Variants in TRAK1 observed in about 807,000 individuals in gnomAD.
The protein encoded by TRAK1 is trafficking kinesin-binding protein 1.
Under a neutral mutation model 92.1 loss-of-function variants are expected in TRAK1, and 33 were observed. The ratio of observed to expected loss-of-function variants is 0.36; its 90% confidence interval spans 0.27 to 0.48. The LOEUF (loss-of-function observed/expected upper bound fraction) is 0.48, where lower values mean the gene tolerates loss of function less well. Ranked by LOEUF, TRAK1 falls within the 20% of genes least tolerant of loss-of-function variation. TRAK1 has a pLI of 0.99. For synonymous variants in TRAK1, 521 were observed against 517.3 expected (o/e 1.01, Z -0.10); for missense variants, 1,123 against 1,257.9 (o/e 0.89, Z 1.62).
At chr3:42,095,481 A>G (rs13322238) in intron 1 of TRAK1, among the ~76,000 whole-genome samples, 78,582 of 152,026 alleles carry the variant, frequency 0.52, 21,619 homozygotes, top group South Asian at 0.68. Context: ...GTGTACCAAA[A>G]TATAGTCAGT....
At chr3:42,043,506 C>T (rs1702631739) in intron 1 of TRAK1, among the ~76,000 whole-genome samples, 1 of 152,084 alleles carries the variant, frequency 6.6e-6, no homozygotes, top group Non-Finnish European at 1.5e-5. Flanking sequence ...CCACCCCTAC[C>T]CCCAGCCCTG....
At chr3:42,144,639 TCAAAA>T (rs551370188) in intron 2 of TRAK1, among the ~76,000 whole-genome samples, 137 of 152,238 alleles carry the variant, frequency 9.0e-4, no homozygotes, top group Non-Finnish European at 1.4e-3. Flanking sequence ...GGGGTTTCTA[TCAAAA>T]CAAAAAAGCA....
intron 14 of TRAK1, among the ~76,000 whole-genome samples, chr3:42,215,412 C>T (rs1170091822): frequency 6.6e-6 from 1 of 152,198 alleles, no homozygotes; most frequent in East Asian, 1.9e-4. Context: ...CCAAGACACA[C>T]CCTTAAGCTG....
intron 1 of TRAK1, among the ~76,000 whole-genome samples, chr3:42,102,511 G>T (rs967216538): frequency 2.0e-5 from 3 of 152,302 alleles, no homozygotes; most frequent in African/African-American, 7.2e-5. Context: ...AGCCCAGCAA[G>T]GTCAAGGTTC....
chr3:42,117,123 C>T (rs945735842), intron 1 of TRAK1, among the ~76,000 whole-genome samples: 2 of 152,158 alleles, frequency 1.3e-5, no homozygotes, highest in Non-Finnish European at 2.9e-5. Flanking sequence ...GCCCCCCAGA[C>T]ACAGCCCTCA....
At chr3:42,141,813 A>G (rs911974365) in intron 2 of TRAK1, among the ~76,000 whole-genome samples, 1 of 152,160 alleles carries the variant, frequency 6.6e-6, no homozygotes, top group Non-Finnish European at 1.5e-5. Context: ...TCAATCCAGG[A>G]TGATGTCATC....
intron 1 of TRAK1, among the ~76,000 whole-genome samples, chr3:42,059,284 C>T (rs561880007): frequency 8.0e-4 from 121 of 152,070 alleles, no homozygotes; most frequent in African/African-American, 2.4e-3. Context: ...TTATTAGAGA[C>T]GAGGCCTCTT....
chr3:42,098,264 G>A (rs1346908973), intron 1 of TRAK1, among the ~76,000 whole-genome samples: 2 of 151,946 alleles, frequency 1.3e-5, no homozygotes, highest in African/African-American at 4.8e-5. Context: ...GATCTAGGTT[G>A]GTGACGCCTT....
intron 10 of TRAK1, among the ~76,000 whole-genome samples, chr3:42,198,699 A>C (rs1707102353): frequency 6.6e-6 from 1 of 152,130 alleles, no homozygotes; most frequent in South Asian, 2.1e-4. Flanking sequence ...AATCTTAGAC[A>C]CAGAGGGGGT....
At chr3:42,030,293 G>C (rs1334899215) in intron 1 of TRAK1, among the ~76,000 whole-genome samples, 3 of 150,746 alleles carry the variant, frequency 2.0e-5, no homozygotes, top group East Asian at 2.0e-4. Flanking sequence ...GCTCAGGAGC[G>C]CAAGGCAGCA....
chr3:42,080,060 G>T (rs984724091), intron 1 of TRAK1, among the ~76,000 whole-genome samples: 1 of 152,118 alleles, frequency 6.6e-6, no homozygotes, highest in Non-Finnish European at 1.5e-5. Context: ...CCAGATGAGG[G>T]GTCTGAGGCC....
At chr3:42,178,667 A>ACTCTGAGG (rs1293796798) in intron 3 of TRAK1, among the ~76,000 whole-genome samples, 1 of 151,836 alleles carries the variant, frequency 6.6e-6, no homozygotes, top group Admixed American at 6.6e-5. Context: ...CTGATATTAA[A>ACTCTGAGG]CTCTGAGGCT....
intron 1 of TRAK1, among the ~76,000 whole-genome samples, chr3:42,092,721 A>G (rs149051082): frequency 2.0e-3 from 124 of 61,718 alleles, no homozygotes; most frequent in African/African-American, 1.9e-3. Context: ...GTGTTATGTT[A>G]TGTTATGTTA....
chr3:42,196,661 C>T (rs1317378010), intron 10 of TRAK1, among the ~76,000 whole-genome samples: 1 of 151,702 alleles, frequency 6.6e-6, no homozygotes. Flanking sequence ...CCTCAACCTC[C>T]CAAGTAGCTG....
At chr3:42,148,142 C>G (rs1559833236) in intron 2 of TRAK1, among the ~76,000 whole-genome samples, 1 of 152,066 alleles carries the variant, frequency 6.6e-6, no homozygotes, top group Admixed American at 6.6e-5. Context: ...TGGTTTAGGG[C>G]AAGGTTCTCA....
intron 4 of TRAK1, among the ~76,000 whole-genome samples, chr3:42,187,304 G>A (rs970372255): frequency 5.3e-5 from 8 of 152,196 alleles, no homozygotes; most frequent in Non-Finnish European, 8.8e-5. Context: ...GTGCAGAGCT[G>A]GCATCTCCAG....
intron 1 of TRAK1, among the ~76,000 whole-genome samples, chr3:42,056,948 G>T (rs1328964903): frequency 6.6e-6 from 1 of 152,186 alleles, no homozygotes; most frequent in Non-Finnish European, 1.5e-5. Flanking sequence ...AATTGCCTCA[G>T]TTAGAGGAGC....
rs528202100 is a variant in TRAK1, at chr3:42,100,972, T to G, written c.91+9412T>G. ...CGTGAGCCACCACGCCTGGCCAACTTTACAGGACTTTAAATTAGCTGTGTG... is the reference window on the plus strand; with the variant it reads ...CGTGAGCCACCACGCCTGGCCAACTGTACAGGACTTTAAATTAGCTGTGTG... On this transcript the variant is annotated intron_variant, in intron 1 of 15. Transcript: ENST00000327628. Among the ~76,000 whole-genome samples the G allele has an allele frequency of 1.6e-4, 24 of 152,352 alleles. No individual in the cohort carries two copies. In the East Asian group the frequency reaches 4.6e-3, roughly 29 times the overall value.
intron 1 of TRAK1, among the ~76,000 whole-genome samples, chr3:42,034,078 A>G (rs986220013): frequency 2.0e-5 from 3 of 152,162 alleles, no homozygotes; most frequent in African/African-American, 7.2e-5. Flanking sequence ...CCTGAATGCC[A>G]GTCCTCCTAT....
Sources: allele counts gnomAD v4.1 joint callset (sites outside exome capture counted in the v4.1 genomes callset), GRCh38; gene constraint gnomAD v4.1.1; transcripts MANE v1.5; gene names NCBI Gene and HGNC (gene_info 2026-07-23, HGNC 2026-07-21).